Variants in FNBP1 observed in about 807,000 individuals in gnomAD.
The protein encoded by FNBP1 is formin-binding protein 1.
FNBP1 carries 26 observed loss-of-function variants against 90.6 expected under a neutral mutation model. That is an observed-to-expected ratio of 0.29 (90% CI 0.21 to 0.40). FNBP1 has a LOEUF of 0.40. Among genes scored for constraint, FNBP1 ranks in the 10% least tolerant of loss-of-function variants. The pLI is 1.00. For missense variants in FNBP1, 635 were observed against 768.0 expected (o/e 0.83, Z 2.05); for synonymous variants, 260 against 265.2 (o/e 0.98, Z 0.19).
chr9:129,894,446 T>C (rs1241037427), intron 16 of FNBP1, among the ~76,000 whole-genome samples: 3 of 152,036 alleles, frequency 2.0e-5, no homozygotes, highest in Non-Finnish European at 4.4e-5. Flanking sequence ...TAAAATAATT[T>C]CCAGTAAATC....
chr9:130,049,098 T>A, the FNBP1 span, among the ~76,000 whole-genome samples: 1 of 151,626 alleles, frequency 6.6e-6, no homozygotes, highest in African/African-American at 2.4e-5. Context: ...TTCTTTAAAA[T>A]GTAAATATGG....
rs980758691 is a variant in FNBP1 at position 129,889,924 on chromosome 9, G to T, written c.*615C>A. On this transcript the variant is annotated 3_prime_UTR_variant, in exon 17 of 17. Coordinates refer to ENST00000446176, the MANE Select transcript of FNBP1 (RefSeq NM_015033.3). ...TGGGTGTGTGTGTACCTGCCCCCCT[G>T]CCTGCCAGATGCTCCCAGGTTGAGG... 4.2e-6 allele frequency: 1 copy of T among 236,480 alleles called. No individual in the cohort carries two copies. Among genetic ancestry groups the T allele is most frequent in the African/African-American group, 2.2e-5 (1 of 45,386 alleles). The allele number at this position is 236,480 out of a possible 1,614,324, so 14.6% of individuals were successfully genotyped here.
chr9:130,012,708 C>T (rs1376014918), intron 1 of FNBP1, among the ~76,000 whole-genome samples: 4 of 152,048 alleles, frequency 2.6e-5, no homozygotes, highest in Admixed American at 6.6e-5. Context: ...GGTGCGATCT[C>T]GGCTCACTGC....
intron 11 of FNBP1, among the ~76,000 whole-genome samples, chr9:129,909,611 C>T (rs1264504832): frequency 2.0e-5 from 3 of 151,978 alleles, no homozygotes; most frequent in African/African-American, 7.2e-5. Context: ...TCTGCTGCCT[C>T]TAAAAGTCTA....
intron 4 of FNBP1, among the ~76,000 whole-genome samples, chr9:129,969,889 CTT>C (rs35399090): frequency 3.8e-5 from 5 of 132,520 alleles, no homozygotes; most frequent in Admixed American, 8.1e-5. Flanking sequence ...ATATTCCTAA[CTT>C]TTTTTTTTTT....
chr9:129,953,822 G>C (rs72757266), intron 6 of FNBP1, among the ~76,000 whole-genome samples: 2,775 of 147,470 alleles, frequency 0.019, 46 homozygotes, highest in South Asian at 0.044. Context: ...AGAAGGAGGG[G>C]AATGGGGGTG....
intron 6 of FNBP1, among the ~76,000 whole-genome samples, chr9:129,944,467 G>T (rs1463205454): frequency 6.6e-6 from 1 of 151,668 alleles, no homozygotes; most frequent in Non-Finnish European, 1.5e-5. Context: ...CTTGAACCCG[G>T]GAGGCAGAGG....
chr9:130,008,049 A>C (rs1375963743), intron 1 of FNBP1, among the ~76,000 whole-genome samples: 4 of 151,650 alleles, frequency 2.6e-5, no homozygotes, highest in Admixed American at 6.6e-5. Context: ...AAAAAAAAAA[A>C]AACACCTAAT....
Position 129,916,627 on chromosome 9 carries a change from C to CA in FNBP1, c.1171-648dup, listed in dbSNP as rs932208320. ...GTGAAACTCCATCTCAAAAAAAAAA[C>CA]AAAAAAAAAAGAAAAAATATAATCA... On this transcript the variant is annotated intron_variant, in intron 10 of 16. Coordinates refer to ENST00000446176, the MANE Select transcript of FNBP1 (RefSeq NM_015033.3). Among the ~76,000 whole-genome samples, 505 of 141,368 alleles carry CA rather than the reference C, an allele frequency of 3.6e-3. 8 individuals carry two copies. The highest frequency in any genetic ancestry group is 4.1e-3 in the South Asian group (18 of 4,420). 92.7% of individuals were successfully genotyped at this position (141,368 alleles called of 152,430 possible). A position where few individuals can be genotyped will look rare whatever the true frequency, so the allele number is the denominator to read the frequency against.
At chr9:130,019,061 C>A (rs902410303) in intron 1 of FNBP1, among the ~76,000 whole-genome samples, 3 of 151,986 alleles carry the variant, frequency 2.0e-5, no homozygotes, top group African/African-American at 7.3e-5. Context: ...CCTGTCTCTA[C>A]CAAAAATACA....
intron 1 of FNBP1, among the ~76,000 whole-genome samples, chr9:129,998,212 GAAAAAAAA>G (rs2054303951): frequency 8.9e-6 from 1 of 112,922 alleles, no homozygotes. Flanking sequence ...AAAAAAAAAA[GAAAAAAAA>G]TGGCCGGGCG....
intron 4 of FNBP1, among the ~76,000 whole-genome samples, chr9:129,977,009 A>G (rs929870392): frequency 1.3e-5 from 2 of 152,034 alleles, no homozygotes; most frequent in African/African-American, 2.4e-5. Flanking sequence ...TCTACGAAAA[A>G]TACAAAAAAT....
intron 16 of FNBP1, among the ~76,000 whole-genome samples, chr9:129,893,702 G>A (rs2035362198): frequency 6.8e-6 from 1 of 148,062 alleles, no homozygotes; most frequent in African/African-American, 2.5e-5. Context: ...AGATCATGAG[G>A]TCAGGAGATC....
At chr9:129,959,502 T>C (rs916538003) in intron 4 of FNBP1, among the ~76,000 whole-genome samples, 4 of 151,954 alleles carry the variant, frequency 2.6e-5, no homozygotes, top group Non-Finnish European at 5.9e-5. Context: ...GGCAGGAGAA[T>C]TGCTTGAACC....
intron 13 of FNBP1, among the ~76,000 whole-genome samples, chr9:129,902,329 G>GGCTC (rs2037114550): frequency 6.6e-6 from 1 of 152,238 alleles, no homozygotes; most frequent in African/African-American, 2.4e-5. Context: ...GGCTCACAGT[G>GGCTC]GCTCACAGCT....
chr9:129,996,588 C>T (rs112502762), intron 1 of FNBP1, among the ~76,000 whole-genome samples: 139 of 152,262 alleles, frequency 9.1e-4, no homozygotes, highest in Non-Finnish European at 1.8e-3. Context: ...GAGGATCATG[C>T]GAAATGGGGA....
intron 10 of FNBP1, among the ~76,000 whole-genome samples, chr9:129,923,392 A>G (rs2041393231): frequency 6.6e-6 from 1 of 152,008 alleles, no homozygotes; most frequent in Admixed American, 6.6e-5. Context: ...CATCCTGGCC[A>G]ACATGATGAA....
At chr9:129,969,512 A>G (rs541645172) in intron 4 of FNBP1, among the ~76,000 whole-genome samples, 32 of 152,324 alleles carry the variant, frequency 2.1e-4, no homozygotes, top group Admixed American at 5.2e-4. Context: ...CAATTAGGCA[A>G]ATTATAACTT....
chr9:129,959,255 C>A (rs1314184812), intron 4 of FNBP1, among the ~76,000 whole-genome samples: 1 of 151,886 alleles, frequency 6.6e-6, no homozygotes. Context: ...CGTGATCGTG[C>A]CACTGCACTC....
Sources: gnomAD v4.1 joint callset for allele counts (sites outside exome capture counted in the v4.1 genomes callset) on GRCh38, gnomAD v4.1.1 for gene constraint, MANE v1.5 for transcripts, NCBI Gene and HGNC (gene_info 2026-07-23, HGNC 2026-07-21) for gene names.